ADGRV1: variants seen among roughly 807,000 people sequenced by gnomAD.
ADGRV1 encodes the protein adhesion G protein-coupled receptor V1.
A neutral mutation model predicts 596.2 loss-of-function variants in ADGRV1; 359 were observed. That is an observed-to-expected ratio of 0.60 (90% CI 0.55 to 0.66). ADGRV1 has a LOEUF of 0.66. Among genes scored for constraint, ADGRV1 ranks in the 30% least tolerant of loss-of-function variants. ADGRV1 has a pLI of 0.00. For synonymous variants in ADGRV1, 2,681 were observed against 2,679.2 expected, an observed-to-expected ratio of 1.00 and a Z score of -0.02; for missense variants, 7,274 against 7,575.6, an observed-to-expected ratio of 0.96 and a Z score of 1.48.
At chr5:90,626,309 G>C (rs1764750176) in intron 6 of ADGRV1, 1 of 152,072 alleles carries the variant, frequency 6.6e-6, no homozygotes, top group Non-Finnish European at 1.5e-5. Context: ...TCTGGTTCTG[G>C]AAGCAAGCAA....
chr5:90,898,535 T>TA (rs1399706978), intron 83 of ADGRV1, among the ~76,000 whole-genome samples: 1 of 152,190 alleles, frequency 6.6e-6, no homozygotes, highest in African/African-American at 2.4e-5. Context: ...TCATAGCAAA[T>TA]ATCATCATTG....
At chr5:91,092,505 C>T (rs1198101227) in intron 86 of ADGRV1, 5 of 152,194 alleles carry the variant, frequency 3.3e-5, no homozygotes, top group Admixed American at 6.5e-5. Flanking sequence ...AAAGTCTAGG[C>T]TTGCACCTGA....
chr5:90,874,878 A>G (rs141192580), intron 83 of ADGRV1, among the ~76,000 whole-genome samples: 1 of 152,132 alleles, frequency 6.6e-6, no homozygotes, highest in Non-Finnish European at 1.5e-5. Context: ...AAAACAAAAA[A>G]CAACCTGGTT....
At chr5:91,017,076 A>G (rs2151171006) in intron 85 of ADGRV1, among the ~76,000 whole-genome samples, 2 of 152,112 alleles carry the variant, frequency 1.3e-5, no homozygotes, top group East Asian at 3.9e-4. Context: ...ATTGACACAC[A>G]TTTCAAACAT....
rs541056999 is a variant in ADGRV1, at chr5:91,073,997, C to T, written c.18310+1393C>T. ...ACAGGCGTGAGCCACCACGCCCAGC[C>T]GAGGAATATTGTTTAAGGTTAATTA... is the stretch of plus-strand genomic sequence containing the variant. On this transcript the variant is annotated intron_variant, in intron 86 of 89. Coordinates refer to ENST00000405460, the MANE Select transcript of ADGRV1 (RefSeq NM_032119.4). Among the ~76,000 whole-genome samples the T allele has an allele frequency of 2.6e-5, 4 of 152,156 alleles. 1 individual carries two copies. The highest frequency in any genetic ancestry group is 9.6e-5 in the African/African-American group (4 of 41,512).
At chr5:90,811,905 G>A (rs1762471861) in intron 74 of ADGRV1, among the ~76,000 whole-genome samples, 1 of 149,724 alleles carries the variant, frequency 6.7e-6, no homozygotes, top group Non-Finnish European at 1.5e-5. Flanking sequence ...ACAGTTTGCA[G>A]TTTACCTCTG....
chr5:90,949,608 G>A (rs920290160), intron 83 of ADGRV1, among the ~76,000 whole-genome samples: 1 of 152,146 alleles, frequency 6.6e-6, no homozygotes, highest in Admixed American at 6.6e-5. Context: ...ACAGGTGGTG[G>A]GAAAAATAGA....
At chr5:90,785,283 A>G (rs1019071317) in intron 67 of ADGRV1, among the ~76,000 whole-genome samples, 25 of 152,218 alleles carry the variant, frequency 1.6e-4, no homozygotes, top group African/African-American at 6.0e-4. Context: ...TAAATGTTAG[A>G]CCTAAAACCA....
At chr5:91,103,521 A>G (rs56377639) in intron 87 of ADGRV1, among the ~76,000 whole-genome samples, 18,996 of 151,552 alleles carry the variant, frequency 0.13, 1,348 homozygotes, top group African/African-American at 0.2. Flanking sequence ...GGTCACCTTT[A>G]GATCCCTAGG....
chr5:91,034,335 A>T (rs897811224), intron 85 of ADGRV1, among the ~76,000 whole-genome samples: 1 of 152,226 alleles, frequency 6.6e-6, no homozygotes, highest in African/African-American at 2.4e-5. Context: ...ACTCATGGAA[A>T]AATCTGCCTC....
At position 90,750,567 on chromosome 5, in the gene ADGRV1, A is replaced by C; in HGVS notation, c.10991A>C (p.Gln3664Pro). The C allele has an allele frequency of 6.2e-7, 1 of 1,608,894 alleles. No individual in the cohort carries two copies. Among genetic ancestry groups the C allele is most frequent in the Non-Finnish European group, 8.5e-7 (1 of 1,177,074 alleles). The change falls in exon 53 of 90, where the codon CAA becomes CCA. Residue 3664 changes from glutamine to proline, a missense_variant. By Grantham distance (76) the Gln-to-Pro change is moderately conservative (BLOSUM62 -1). Coordinates refer to ENST00000405460, the MANE Select transcript of ADGRV1 (RefSeq NM_032119.4). ...VAFAQNSLYK[Q>P]VEEMEQDSLV... ...TTTTTTCAGAATTCATTATATAAGC[A>C]AGTGGAAGAAATGGAGCAAGATAGC...
At chr5:90,886,780 C>T (rs1184107880) in intron 83 of ADGRV1, among the ~76,000 whole-genome samples, 2 of 152,156 alleles carry the variant, frequency 1.3e-5, no homozygotes, top group African/African-American at 4.8e-5. Flanking sequence ...GGCCATCATT[C>T]ACAGAGTTTC....
Position 90,828,939 on chromosome 5 carries a change from G to A in ADGRV1, c.16369-5G>A. The A allele has an allele frequency of 2.0e-6, 3 of 1,525,544 alleles. No homozygotes were observed. Among genetic ancestry groups the A allele is most frequent in the Non-Finnish European group, 2.7e-6 (3 of 1,131,352 alleles). 94.5% of individuals were successfully genotyped at this position (1,525,544 alleles called of 1,614,324 possible). ...TTGTTTTTTTTTCCTTTTTCTCATT[G>A]TCAGGTACCACAGGTTGAAGTGTAT... is the stretch of plus-strand genomic sequence containing the variant. On this transcript the variant is annotated splice_region_variant and splice_polypyrimidine_tract_variant and intron_variant, in intron 76 of 89. Transcript: ENST00000405460.
chr5:90,840,809 G>T lies in ADGRV1; in HGVS notation c.16843G>T (p.Ala5615Ser). 2 of 1,613,894 alleles carry T rather than the reference G, an allele frequency of 1.2e-6. No individual in the cohort carries two copies. The highest frequency in any genetic ancestry group is 2.2e-5 in the South Asian group (2 of 91,066). ...GARIDKVYGT[A>S]NITLVSDADS... ...CAGAATTGATAAAGTGTATGGGACTGCCAACATCACTCTTGTCTCAGATGC... is the reference window on the plus strand; with the variant it reads ...CAGAATTGATAAAGTGTATGGGACTTCCAACATCACTCTTGTCTCAGATGC... Residue 5615 changes from alanine to serine, a missense_variant, in exon 78 of 90, where the codon GCC becomes TCC. Transcript: ENST00000405460.
At chr5:90,673,524 C>A (rs1458136033) in intron 22 of ADGRV1, among the ~76,000 whole-genome samples, 1 of 152,184 alleles carries the variant, frequency 6.6e-6, no homozygotes, top group Non-Finnish European at 1.5e-5. Context: ...AACTTATAAA[C>A]AACAGAAAGT....
chr5:91,030,534 T>C (rs1784379900), intron 85 of ADGRV1, among the ~76,000 whole-genome samples: 1 of 150,980 alleles, frequency 6.6e-6, no homozygotes. Flanking sequence ...TCTAGCCATG[T>C]TTTCTATTTT....
intron 67 of ADGRV1, among the ~76,000 whole-genome samples, chr5:90,785,525 C>T (rs1299358972): frequency 1.3e-5 from 2 of 152,150 alleles, no homozygotes; most frequent in Non-Finnish European, 2.9e-5. Flanking sequence ...GGGCTAATAT[C>T]CAGAATCTAC....
chr5:90,914,369 G>A (rs565368088), intron 83 of ADGRV1, among the ~76,000 whole-genome samples: 4 of 152,132 alleles, frequency 2.6e-5, no homozygotes, highest in Admixed American at 1.3e-4. Context: ...ATAGAGACTC[G>A]TCTCATTTAA....
chr5:90,838,813 C>G (rs10075623), intron 77 of ADGRV1, among the ~76,000 whole-genome samples: 51,496 of 151,824 alleles, frequency 0.34, 9,777 homozygotes, highest in Non-Finnish European at 0.45. Flanking sequence ...ATCTCTTAAG[C>G]CCAGGAGTTG....
Sources: allele counts gnomAD v4.1 joint callset (sites outside exome capture counted in the v4.1 genomes callset), GRCh38; gene constraint gnomAD v4.1.1; transcripts MANE v1.5; gene names NCBI Gene and HGNC (gene_info 2026-07-23, HGNC 2026-07-21).